CENPK: variants seen among roughly 807,000 people sequenced by gnomAD.
The protein encoded by CENPK is centromere protein K, also known as SoxLZ/Sox6-binding protein Solt.
Under a neutral mutation model 40.9 loss-of-function variants are expected in CENPK, and 46 were observed. The observed-to-expected ratio is 1.13, with a 90% CI of 0.89 to 1.44. The LOEUF is 1.44. CENPK is among the 40% of genes most tolerant of loss of function. The pLI is 0.00. For missense variants in CENPK, 288 were observed against 303.5 expected, an observed-to-expected ratio of 0.95 and a Z score of 0.38; for synonymous variants, 107 against 104.4, an observed-to-expected ratio of 1.02 and a Z score of -0.15.
chr5:65,530,436 T>G (rs1218695416), intron 6 of CENPK, among the ~76,000 whole-genome samples: 1 of 152,226 alleles, frequency 6.6e-6, no homozygotes, highest in Admixed American at 6.5e-5. Flanking sequence ...GAAAACATTA[T>G]GTTACTCTCT....
intron 6 of CENPK, among the ~76,000 whole-genome samples, chr5:65,539,389 T>C (rs928695716): frequency 6.6e-6 from 1 of 152,218 alleles, no homozygotes; most frequent in African/African-American, 2.4e-5. Context: ...AAATCAAACA[T>C]GTTATGGGCT....
the CENPK span, among the ~76,000 whole-genome samples, chr5:65,509,446 T>A: frequency 6.6e-6 from 1 of 152,228 alleles, no homozygotes; most frequent in Non-Finnish European, 1.5e-5. Context: ...TTATGGTTCT[T>A]CCATGTCTTT....
chr5:65,528,632 C>T, intron 8 of CENPK, 54 bp from the exon 9 acceptor site: 1 of 1,421,990 alleles, frequency 7.0e-7, no homozygotes, highest in Non-Finnish European at 9.3e-7. Context: ...CACATACACA[C>T]ATGTAACTAG....
chr5:65,528,418 G>A, intron 9 of CENPK, 34 bp downstream of exon 9: 1 of 1,556,466 alleles, frequency 6.4e-7, no homozygotes, highest in Non-Finnish European at 8.6e-7. Flanking sequence ...TTTCAAATAT[G>A]ATAATTTACA....
At chr5:65,535,974 T>G (rs778587392) in intron 6 of CENPK, among the ~76,000 whole-genome samples, 2 of 152,214 alleles carry the variant, frequency 1.3e-5, no homozygotes, top group Non-Finnish European at 2.9e-5. Flanking sequence ...ACAGCTGCAC[T>G]GCGATAAGTT....
At chr5:65,553,839 T>C (rs1561691453) in intron 3 of CENPK, among the ~76,000 whole-genome samples, 1 of 152,222 alleles carries the variant, frequency 6.6e-6, no homozygotes, top group Non-Finnish European at 1.5e-5. Context: ...CTGCATTCTA[T>C]TTTCTTCAAA....
the CENPK span, among the ~76,000 whole-genome samples, chr5:65,504,473 A>AAG: frequency 6.6e-6 from 1 of 151,546 alleles, no homozygotes; most frequent in Non-Finnish European, 1.5e-5. Context: ...AAAAAAAAAA[A>AAG]AAAACCCACG....
intron 6 of CENPK, among the ~76,000 whole-genome samples, chr5:65,541,745 T>G (rs1748024006): frequency 6.6e-6 from 1 of 152,196 alleles, no homozygotes; most frequent in East Asian, 1.9e-4. Flanking sequence ...AATGTAGGCC[T>G]TTGCACTCAT....
chr5:65,512,178 C>CA, the CENPK span, among the ~76,000 whole-genome samples: 1 of 151,740 alleles, frequency 6.6e-6, no homozygotes, highest in Non-Finnish European at 1.5e-5. Context: ...CATGGATGAG[C>CA]AAAAAATGGT....
intron 3 of CENPK, 103 bp from the exon 4 acceptor site, chr5:65,552,652 C>T (rs984423591): frequency 1.7e-6 from 1 of 572,550 alleles, no homozygotes; most frequent in Non-Finnish European, 3.0e-6. Flanking sequence ...TCTTCTAAAG[C>T]ACAAACATCT....
chr5:65,507,442 T>C, the CENPK span, among the ~76,000 whole-genome samples: 1 of 152,326 alleles, frequency 6.6e-6, no homozygotes, highest in African/African-American at 2.4e-5. Flanking sequence ...AAGGGAGAGC[T>C]AAACAACAAA....
At chr5:65,542,878 C>T (rs1201004587) in intron 5 of CENPK, 30 bp from the exon 6 acceptor site, 9 of 1,571,822 alleles carry the variant, frequency 5.7e-6, no homozygotes, top group South Asian at 3.5e-5. Flanking sequence ...CAAAGTTACA[C>T]ATATATTTAG....
intron 6 of CENPK, among the ~76,000 whole-genome samples, chr5:65,530,711 C>G (rs1745638704): frequency 6.6e-6 from 1 of 152,158 alleles, no homozygotes; most frequent in South Asian, 2.1e-4. Flanking sequence ...TAATTAGAGA[C>G]CAGCCTGGGC....
chr5:65,501,216 G>A, the CENPK span, among the ~76,000 whole-genome samples: 51,437 of 118,598 alleles, frequency 0.43, 10,811 homozygotes, highest in East Asian at 0.68. Context: ...GTCTCGCTCT[G>A]TCATCCAAGC....
At chr5:65,527,989 G>A (rs989424771) in intron 9 of CENPK, among the ~76,000 whole-genome samples, 2 of 151,980 alleles carry the variant, frequency 1.3e-5, no homozygotes, top group Non-Finnish European at 2.9e-5. Flanking sequence ...GCATCTAATC[G>A]TCCCACTTGG....
chr5:65,498,878 C>A, the CENPK span, among the ~76,000 whole-genome samples: 1 of 152,058 alleles, frequency 6.6e-6, no homozygotes, highest in African/African-American at 2.4e-5. Flanking sequence ...GTCTTGAGAA[C>A]AGGCTTCAAC....
At chr5:65,513,473 T>A (rs1196959296), downstream of CENPK, among the ~76,000 whole-genome samples, 1 of 152,230 alleles carries the variant, frequency 6.6e-6, no homozygotes, top group East Asian at 1.9e-4. Context: ...ATTTCTTTCA[T>A]GAGACTTTTG....
intron 9 of CENPK, among the ~76,000 whole-genome samples, chr5:65,523,287 T>C (rs1302631372): frequency 6.6e-6 from 1 of 152,178 alleles, no homozygotes; most frequent in African/African-American, 2.4e-5. Flanking sequence ...GGACAGACTC[T>C]AAAGGAAACT....
chr5:65,533,290 C>T (rs1027519966), intron 6 of CENPK, among the ~76,000 whole-genome samples: 2 of 151,848 alleles, frequency 1.3e-5, no homozygotes. Flanking sequence ...GCAGAGATTG[C>T]AGTGAACTGA....
Sources: allele counts gnomAD v4.1 joint callset (sites outside exome capture counted in the v4.1 genomes callset), GRCh38; gene constraint gnomAD v4.1.1; transcripts MANE v1.5; gene names NCBI Gene and HGNC (gene_info 2026-07-23, HGNC 2026-07-21).